The following DHRSX variants were observed in gnomAD, a reference collection of about 807,000 sequenced individuals.
DHRSX encodes dehydrogenase/reductase X-linked.
DHRSX carries 31 observed loss-of-function variants against 34.0 expected under a neutral mutation model. That is an observed-to-expected ratio of 0.91 (90% confidence interval 0.69 to 1.23). DHRSX has a LOEUF of 1.23. Ranked by LOEUF, DHRSX falls within the 50% of genes most tolerant of loss-of-function variation. The pLI is 0.00. For missense variants in DHRSX, 414 were observed against 428.1 expected (o/e 0.97, Z 0.29); for synonymous variants, 201 against 183.8 (o/e 1.09, Z -0.76).
At chrX:2,407,429 C>G (rs2043570420) in intron 3 of DHRSX, among the ~76,000 whole-genome samples, 1 of 152,146 alleles carries the variant, frequency 6.6e-6, no homozygotes, top group South Asian at 2.1e-4. Flanking sequence ...GTGGGCAATT[C>G]ATATGGTCGT....
intron 3 of DHRSX, among the ~76,000 whole-genome samples, chrX:2,407,026 C>A (rs1194539318): frequency 1.3e-5 from 2 of 152,052 alleles, no homozygotes; most frequent in Admixed American, 6.5e-5. Flanking sequence ...AGGTGTCCAA[C>A]AACACACGAA....
At chrX:2,317,269 T>TTTTTTTTTTTTTGG (rs1569487959) in intron 3 of DHRSX, among the ~76,000 whole-genome samples, 1 of 132,844 alleles carries the variant, frequency 7.5e-6, no homozygotes, top group Non-Finnish European at 1.6e-5. Flanking sequence ...TTTTTTTTTT[T>TTTTTTTTTTTTTGG]GAGACAGAGT....
At chrX:2,435,239 C>T (rs1050594717) in intron 1 of DHRSX, among the ~76,000 whole-genome samples, 17 of 152,090 alleles carry the variant, frequency 1.1e-4, no homozygotes, top group Non-Finnish European at 2.1e-4. Flanking sequence ...CAAACCTGCA[C>T]GCACTATGAA....
chrX:2,243,793 T>G lies in DHRSX; in HGVS notation c.597-563A>C, dbSNP rs866238900. Among the ~76,000 whole-genome samples, 301 of 33,516 alleles carry G rather than the reference T, an allele frequency of 9.0e-3. 3 individuals carry two copies. Among genetic ancestry groups the G allele is most frequent in the African/African-American group, 0.061 (285 of 4,710 alleles). 22.0% of individuals were successfully genotyped at this position (33,516 alleles called of 152,430 possible). Reference sequence around the variant, plus strand: ...CAGGAGCCACTATGCTCCCTGTTTTTTTTTTTTTTTTTTTTTTTTTTTTTT... The same window carrying G: ...CAGGAGCCACTATGCTCCCTGTTTTGTTTTTTTTTTTTTTTTTTTTTTTTT... On this transcript the variant is annotated intron_variant, in intron 5 of 6. Transcript: ENST00000334651.
intron 3 of DHRSX, among the ~76,000 whole-genome samples, chrX:2,311,833 C>T (rs1237856364): frequency 1.3e-5 from 2 of 152,016 alleles, no homozygotes; most frequent in East Asian, 1.9e-4. Flanking sequence ...TGCTAATGAG[C>T]GTCGATTTAA....
intron 3 of DHRSX, among the ~76,000 whole-genome samples, chrX:2,350,299 C>G (rs544542381): frequency 6.6e-6 from 1 of 151,796 alleles, no homozygotes; most frequent in African/African-American, 2.4e-5. Context: ...TGCAGTGAGC[C>G]GAGATCACGC....
At chrX:2,266,456 G>A (rs780063062) in intron 5 of DHRSX, among the ~76,000 whole-genome samples, 24 of 149,856 alleles carry the variant, frequency 1.6e-4, no homozygotes, top group African/African-American at 5.9e-4. Context: ...GACGCAGGAA[G>A]CACTGTTCCC....
At chrX:2,470,012 C>T (rs1347246055) in intron 1 of DHRSX, among the ~76,000 whole-genome samples, 2 of 151,844 alleles carry the variant, frequency 1.3e-5, no homozygotes, top group Non-Finnish European at 2.9e-5. Context: ...TGTCAATCAA[C>T]AGATGAGTAC....
intron 1 of DHRSX, chrX:2,489,962 T>C (rs749634530): frequency 6.2e-7 from 1 of 1,613,884 alleles, no homozygotes; most frequent in Middle Eastern, 1.7e-4. Flanking sequence ...GATGAAGACC[T>C]CATAGAGCAC....
chrX:2,321,452 G>A (rs909566979), intron 3 of DHRSX, among the ~76,000 whole-genome samples: 2 of 152,100 alleles, frequency 1.3e-5, no homozygotes. Context: ...AAAGGGGATG[G>A]TATTTGGAGA....
chrX:2,464,494 G>C (rs1345903701), intron 1 of DHRSX, among the ~76,000 whole-genome samples: 1 of 85,006 alleles, frequency 1.2e-5, no homozygotes, highest in Admixed American at 1.1e-4. Flanking sequence ...AATGCGTCCA[G>C]GGGACTGCTG....
intron 3 of DHRSX, among the ~76,000 whole-genome samples, chrX:2,357,431 A>G (rs1358478323): frequency 6.6e-6 from 1 of 152,142 alleles, no homozygotes; most frequent in East Asian, 1.9e-4. Context: ...TTATTTTTAA[A>G]TGCCCATATG....
intron 6 of DHRSX, among the ~76,000 whole-genome samples, chrX:2,240,566 G>C (rs2016117301): frequency 6.6e-6 from 1 of 151,736 alleles, no homozygotes; most frequent in South Asian, 2.1e-4. Flanking sequence ...AAAGGGAAAA[G>C]CTGTCTAAAC....
intron 1 of DHRSX, among the ~76,000 whole-genome samples, chrX:2,495,690 C>CA (rs1890561117): frequency 6.6e-6 from 1 of 151,142 alleles, no homozygotes; most frequent in Admixed American, 6.7e-5. Context: ...CTTCCGAGCA[C>CA]ACAAGGCCAC....
At chrX:2,355,511 TAAAAAAAAAAAAAAAAAA>T (rs767512287) in intron 3 of DHRSX, among the ~76,000 whole-genome samples, 5 of 75,300 alleles carry the variant, frequency 6.6e-5, no homozygotes, top group South Asian at 1.4e-3. Context: ...AGACCCCATC[TAAAAAAAAAAAAAAAAAA>T]AAAAAAAAAA....
At chrX:2,398,268 C>A (rs1308494822) in intron 3 of DHRSX, among the ~76,000 whole-genome samples, 1 of 152,140 alleles carries the variant, frequency 6.6e-6, no homozygotes, top group Admixed American at 6.6e-5. Flanking sequence ...GGTGATTTGG[C>A]CAGAGGTGGG....
intron 4 of DHRSX, among the ~76,000 whole-genome samples, chrX:2,275,936 C>G (rs1030011129): frequency 2.6e-5 from 4 of 151,996 alleles, no homozygotes; most frequent in African/African-American, 9.7e-5. Context: ...CTCTGCCTCC[C>G]GGGTTCCAGA....
intron 1 of DHRSX, among the ~76,000 whole-genome samples, chrX:2,448,512 T>TAG (rs2044170359): frequency 6.8e-6 from 1 of 147,254 alleles, no homozygotes; most frequent in African/African-American, 2.6e-5. Flanking sequence ...AGGTTAGAGT[T>TAG]AAGGTTATGT....
At chrX:2,384,930 T>TA (rs1157697614) in intron 3 of DHRSX, among the ~76,000 whole-genome samples, 64 of 139,760 alleles carry the variant, frequency 4.6e-4, no homozygotes, top group African/African-American at 1.1e-3. Flanking sequence ...TAAATAAATT[T>TA]AAAAAAAAAA....
Sources: gnomAD v4.1 joint callset for allele counts (sites outside exome capture counted in the v4.1 genomes callset) on GRCh38, gnomAD v4.1.1 for gene constraint, MANE v1.5 for transcripts, NCBI Gene and HGNC (gene_info 2026-07-23, HGNC 2026-07-21) for gene names.